The following TCP11 variants were observed in gnomAD, a reference collection of about 807,000 sequenced individuals.
TCP11 encodes T-complex protein 11 homolog.
Under a neutral mutation model 45.0 loss-of-function variants are expected in TCP11, and 34 were observed. The observed-to-expected ratio is 0.76, with a 90% CI of 0.57 to 1.01. The LOEUF (loss-of-function observed/expected upper bound fraction) is 1.01, where lower values mean the gene tolerates loss of function less well. Ranked by LOEUF, TCP11 falls within the 50% of genes least tolerant of loss-of-function variation. TCP11 has a pLI of 0.00. For synonymous variants in TCP11, 227 were observed against 227.0 expected, an observed-to-expected ratio of 1.00 and a Z score of 0.00; for missense variants, 523 against 598.1, an observed-to-expected ratio of 0.87 and a Z score of 1.31.
chr6:35,119,490 G>C (rs1581795377), intron 8 of TCP11, 99 bp from the exon 9 acceptor site: 1 of 1,439,520 alleles, frequency 6.9e-7, no homozygotes, highest in East Asian at 2.3e-5. Flanking sequence ...CCACTTGAGG[G>C]AGAATGTCAG....
intron 2 of TCP11, among the ~76,000 whole-genome samples, chr6:35,138,465 T>C (rs567333589): frequency 6.1e-4 from 93 of 152,292 alleles, no homozygotes; most frequent in African/African-American, 2.1e-3. Flanking sequence ...GTTAAGTGAA[T>C]TAAGCCAGGC....
chr6:35,139,414 A>T (rs1292071669), intron 2 of TCP11, among the ~76,000 whole-genome samples: 1 of 152,228 alleles, frequency 6.6e-6, no homozygotes, highest in Non-Finnish European at 1.5e-5. Context: ...TTTACCAAAA[A>T]TCCACTGAGT....
intron 1 of TCP11, 46 bp from the exon 2 acceptor site, chr6:35,140,930 TC>T: frequency 8.1e-7 from 1 of 1,230,322 alleles, no homozygotes; most frequent in Non-Finnish European, 1.0e-6. Context: ...GGAAGGGGCC[TC>T]CCCAATTGCC....
In TCP11 at chr6:35,140,925, G is replaced by T; in HGVS notation, c.-14-41C>A. 2 of 1,521,980 alleles carry T rather than the reference G, an allele frequency of 1.3e-6. 1 individual carries two copies. Among genetic ancestry groups the T allele is most frequent in the South Asian group, 2.7e-5 (2 of 74,232 alleles). 94.3% of individuals were successfully genotyped at this position (1,521,980 alleles called of 1,614,324 possible). ...AGGCGTGTTGTTGGCGTCGGGGAAG[G>T]GGCCTCCCCAATTGCCAAGGGGGTC... On this transcript the variant is annotated intron_variant, in intron 1 of 9. Coordinates refer to ENST00000311875, the MANE Select transcript of TCP11 (RefSeq NM_001370687.1).
At chr6:35,139,967 G>T in intron 2 of TCP11, 1 of 1,573,120 alleles carries the variant, frequency 6.4e-7, no homozygotes, top group Non-Finnish European at 8.7e-7. Context: ...CATTTAAATA[G>T]ACACCTCAAA....
At chr6:35,130,423 A>C (rs1056003190) in intron 3 of TCP11, among the ~76,000 whole-genome samples, 2 of 152,196 alleles carry the variant, frequency 1.3e-5, no homozygotes, top group Non-Finnish European at 2.9e-5. Context: ...AACAAGACAC[A>C]CACTAGGAAA....
Position 35,139,946 on chromosome 6 carries a change from A to G in TCP11, c.124+801T>C, listed in dbSNP as rs527694004. 7.1e-5 allele frequency: 104 copies of G among 1,465,920 alleles called. No individual in the cohort carries two copies. The African/African-American group carries it at 1.4e-3, about 19-fold the overall frequency. The allele number at this position is 1,465,920 out of a possible 1,614,324, so 90.8% of individuals were successfully genotyped here. ...TATTCATTTTACTGAGAGTTGTTTT[A>G]TATATGGACTCATTTAAATAGACAC... On this transcript the variant is annotated intron_variant, in intron 2 of 9. Transcript: ENST00000311875.
intron 2 of TCP11, among the ~76,000 whole-genome samples, chr6:35,138,369 C>T (rs756106343): frequency 2.6e-5 from 4 of 152,120 alleles, no homozygotes; most frequent in Non-Finnish European, 5.9e-5. Flanking sequence ...TAGATATACA[C>T]AATGGAGTGC....
At chr6:35,125,365 G>A (rs1433360151) in intron 4 of TCP11, among the ~76,000 whole-genome samples, 1 of 152,132 alleles carries the variant, frequency 6.6e-6, no homozygotes, top group African/African-American at 2.4e-5. Context: ...CAAAGTACCT[G>A]AGTAAACATT....
intron 3 of TCP11, among the ~76,000 whole-genome samples, chr6:35,131,892 G>A (rs1780495468): frequency 1.3e-5 from 2 of 152,218 alleles, no homozygotes; most frequent in Middle Eastern, 3.4e-3. Flanking sequence ...ATGAACCACC[G>A]TGCCTGGCCC....
At chr6:35,124,881 AAT>A (rs1020572743) in intron 4 of TCP11, among the ~76,000 whole-genome samples, 12 of 150,860 alleles carry the variant, frequency 8.0e-5, no homozygotes, top group African/African-American at 2.2e-4. Flanking sequence ...TATAATAAAA[AAT>A]ATATATATAT....
intron 3 of TCP11, among the ~76,000 whole-genome samples, chr6:35,135,253 C>T (rs1213895930): frequency 6.6e-6 from 1 of 152,086 alleles, no homozygotes; most frequent in African/African-American, 2.4e-5. Flanking sequence ...CACACACACT[C>T]TTGTTCTCTC....
intron 4 of TCP11, among the ~76,000 whole-genome samples, chr6:35,126,070 G>C (rs1050688308): frequency 6.6e-6 from 1 of 152,098 alleles, no homozygotes; most frequent in African/African-American, 2.4e-5. Flanking sequence ...AATGGATAGT[G>C]GTGATGGTTA....
intron 1 of TCP11, 85 bp from the exon 2 acceptor site, chr6:35,140,969 G>C (rs980558113): frequency 3.8e-5 from 54 of 1,429,624 alleles, no homozygotes; most frequent in Admixed American, 8.5e-5. Flanking sequence ...CGGCGGGAAG[G>C]GGGGTAGCGG....
chr6:35,122,025 G>C (rs1779315722), intron 5 of TCP11, 92 bp downstream of exon 5: 1 of 1,236,436 alleles, frequency 8.1e-7, no homozygotes, highest in Non-Finnish European at 1.2e-6. Context: ...GGGAAGAGCT[G>C]GTCAAGACGA....
chr6:35,129,067 T>C lies in TCP11; in HGVS notation c.352A>G (p.Lys118Glu). Reference sequence around the variant, plus strand: ...ACAAATGGAAGGTCACTCACCTCTTTAATTTCTTTCAGAAGTTCAAGAGCA... The same window carrying C: ...ACAAATGGAAGGTCACTCACCTCTTCAATTTCTTTCAGAAGTTCAAGAGCA... ...SCALELLKEI[K>E]EILLSLLLPR... Residue 118 changes from lysine to glutamate, a missense_variant, in exon 4 of 10, where the codon AAA (lysine) becomes GAA (glutamate). By Grantham distance (56) the Lys-to-Glu change is moderately conservative (BLOSUM62 1). Transcript: ENST00000311875. The C allele has an allele frequency of 6.2e-7, 1 of 1,613,840 alleles. No individual in the cohort carries two copies. The highest frequency in any genetic ancestry group is 8.5e-7 in the Non-Finnish European group (1 of 1,179,910).
intron 1 of TCP11, 48 bp downstream of exon 1, chr6:35,141,157 T>C: frequency 2.3e-6 from 3 of 1,321,658 alleles, no homozygotes; most frequent in Non-Finnish European, 9.6e-7. Context: ...GGTGCCCCCC[T>C]CGCCCGAAAC....
intron 3 of TCP11, among the ~76,000 whole-genome samples, chr6:35,133,066 A>C (rs1047219742): frequency 1.3e-5 from 2 of 152,244 alleles, no homozygotes; most frequent in Admixed American, 1.3e-4. Context: ...AAAAGCATTT[A>C]AGGACGCAAA....
At position 35,141,285 on chromosome 6, in the gene TCP11, C is replaced by A; in HGVS notation, c.-95G>T. On this transcript the variant is annotated 5_prime_UTR_variant, in exon 1 of 10. Transcript: ENST00000311875. ...CCTGGCGGCCTGGAGCGTACCACCG[C>A]GGCGGAGCGGCGGGTTGGGGCGTCG... 3 of 1,292,648 alleles carry A rather than the reference C, an allele frequency of 2.3e-6. No homozygotes were observed. Among genetic ancestry groups the A allele is most frequent in the Non-Finnish European group, 2.9e-6 (3 of 1,021,040 alleles). The allele number at this position is 1,292,648 out of a possible 1,614,324, so 80.1% of individuals were successfully genotyped here. A position where few individuals can be genotyped will look rare whatever the true frequency, so the allele number is the denominator to read the frequency against.
Sources: allele counts gnomAD v4.1 joint callset (sites outside exome capture counted in the v4.1 genomes callset), GRCh38; gene constraint gnomAD v4.1.1; transcripts MANE v1.5; gene names NCBI Gene and HGNC (gene_info 2026-07-23, HGNC 2026-07-21).